DAB1: variants seen among roughly 807,000 people sequenced by gnomAD.
DAB1 encodes disabled homolog 1.
In DAB1, 15 loss-of-function variants were observed where a neutral mutation model predicts 64.6. The ratio of observed to expected loss-of-function variants is 0.23; its 90% CI spans 0.16 to 0.36. The LOEUF is 0.36. Ranked by LOEUF, DAB1 falls within the 10% of genes least tolerant of loss-of-function variation. DAB1 has a pLI of 1.00. For missense variants in DAB1, 596 were observed against 706.7 expected (o/e 0.84, Z 1.78); for synonymous variants, 235 against 251.9 (o/e 0.93, Z 0.64).
At chr1:57,273,553 G>GCCTGCCTTCCTT (rs1558066796) in intron 2 of DAB1, among the ~76,000 whole-genome samples, 3 of 62,086 alleles carry the variant, frequency 4.8e-5, no homozygotes, top group East Asian at 7.8e-4. Flanking sequence ...CTGCCTGCCT[G>GCCTGCCTTCCTT]CCTTCCTTCC....
At position 57,142,627 on chromosome 1, in the gene DAB1, C is replaced by T. The variant is rs571234998; in HGVS notation, c.207+2663G>A. Among the ~76,000 whole-genome samples the T allele has an allele frequency of 9.7e-4, 140 of 144,174 alleles. 4 individuals carry two copies. The East Asian group carries it at 0.012, about 12-fold the overall frequency. The allele number at this position is 144,174 out of a possible 152,430, so 94.6% of individuals were successfully genotyped here. On this transcript the variant is annotated intron_variant, in intron 3 of 14. Transcript: ENST00000371236. ...ACACACACACACACACACACACACA[C>T]ACATACACACACACACACACACGGT... is the stretch of plus-strand genomic sequence containing the variant.
intron 5 of DAB1, among the ~76,000 whole-genome samples, chr1:57,960,471 T>C (rs1351018377): frequency 6.7e-6 from 1 of 149,448 alleles, no homozygotes; most frequent in African/African-American, 2.5e-5. Context: ...AAGAAGCTCA[T>C]TAGTCCAGTA....
At chr1:57,001,302 GTT>G (rs1448325149) in intron 14 of DAB1, among the ~76,000 whole-genome samples, 4 of 152,090 alleles carry the variant, frequency 2.6e-5, no homozygotes, top group African/African-American at 7.2e-5. Flanking sequence ...TTGTTTGTTT[GTT>G]TGTTTTCTTT....
chr1:57,357,886 T>A (rs1354767971), intron 1 of DAB1, among the ~76,000 whole-genome samples: 2 of 151,784 alleles, frequency 1.3e-5, no homozygotes, highest in South Asian at 2.1e-4. Flanking sequence ...ACCAGATCCC[T>A]CCCCGAACAC....
chr1:57,775,214 A>G (rs987697543), intron 6 of DAB1, among the ~76,000 whole-genome samples: 8 of 151,266 alleles, frequency 5.3e-5, no homozygotes, highest in African/African-American at 1.7e-4. Flanking sequence ...TCCAAGAACC[A>G]ATTTTTGGTT....
At position 57,395,460 on chromosome 1, in the gene DAB1, C is replaced by T. The variant is rs141876162; in HGVS notation, c.-137+28470G>A. 2.6e-4 allele frequency among the ~76,000 whole-genome samples: 39 copies of T among 152,212 alleles called. 1 individual carries two copies. The East Asian group carries it at 5.0e-3, about 20-fold the overall frequency. On this transcript the variant is annotated intron_variant, in intron 1 of 14. Coordinates refer to ENST00000371236, the MANE Select transcript of DAB1 (RefSeq NM_001365792.1). ...ATTGGATGTCACATATCACGGGAAA[C>T]GTAAAGAAGGAATGAACACCCCTTG...
chr1:57,214,425 G>T (rs1666253883), intron 2 of DAB1, among the ~76,000 whole-genome samples: 1 of 152,164 alleles, frequency 6.6e-6, no homozygotes, highest in Non-Finnish European at 1.5e-5. Flanking sequence ...ATTAATAGAA[G>T]AGAGATTCTT....
At chr1:57,901,657 A>C (rs960844005) in intron 5 of DAB1, among the ~76,000 whole-genome samples, 6 of 152,036 alleles carry the variant, frequency 3.9e-5, no homozygotes, top group African/African-American at 1.4e-4. Context: ...TAAGTCTGAT[A>C]TTGTGTTTTA....
At chr1:57,556,907 A>C (rs977599926) in intron 7 of DAB1, among the ~76,000 whole-genome samples, 5 of 152,188 alleles carry the variant, frequency 3.3e-5, no homozygotes, top group African/African-American at 1.2e-4. Flanking sequence ...TTATGGTCTC[A>C]GGTCTTAGAT....
chr1:57,701,725 CA>C (rs202179895), intron 6 of DAB1, among the ~76,000 whole-genome samples: 13 of 150,184 alleles, frequency 8.7e-5, no homozygotes, highest in South Asian at 2.1e-4. Flanking sequence ...GAAAAAATAA[CA>C]AAAAAAAATA....
At chr1:57,479,443 A>AAT (rs1491199140) in intron 7 of DAB1, among the ~76,000 whole-genome samples, 1 of 148,752 alleles carries the variant, frequency 6.7e-6, no homozygotes, top group Non-Finnish European at 1.5e-5. Context: ...TAACATATAT[A>AAT]ATATATATAT....
In DAB1 at chr1:58,031,205, T is replaced by C. The variant is rs553539884; in HGVS notation, n.387+119306A>G. Among the ~76,000 whole-genome samples the C allele has an allele frequency of 5.3e-5, 8 of 152,212 alleles. No individual in the cohort carries two copies. The South Asian group carries it at 1.2e-3, about 24-fold the overall frequency. ...CTTACAGAACAAAAAAATGCTTCAA[T>C]TTGGCCAGAGCACGGAGACAGAAGG... is the stretch of plus-strand genomic sequence containing the variant. On this transcript the variant is annotated intron_variant and non_coding_transcript_variant, in intron 5 of 20. Coordinates refer to the DAB1 transcript ENST00000485760.
intron 3 of DAB1, among the ~76,000 whole-genome samples, chr1:58,377,876 C>T (rs185103947): frequency 0.032 from 4,532 of 141,414 alleles, 733 homozygotes; most frequent in Middle Eastern, 0.066. Context: ...GCTTTGCTCA[C>T]TTCTTCTTAT....
intron 7 of DAB1, among the ~76,000 whole-genome samples, chr1:57,644,279 G>A (rs557606205): frequency 6.6e-6 from 1 of 152,296 alleles, no homozygotes; most frequent in African/African-American, 2.4e-5. Context: ...GGTGGTGAGA[G>A]GCTTTAGGGC....
chr1:57,689,427 G>A (rs539340486), intron 6 of DAB1, among the ~76,000 whole-genome samples: 2 of 152,288 alleles, frequency 1.3e-5, no homozygotes, highest in East Asian at 1.9e-4. Flanking sequence ...TGCTGATGCT[G>A]TAGAAAAGGC....
At chr1:58,300,762 G>A (rs1323090012) in intron 4 of DAB1, among the ~76,000 whole-genome samples, 1 of 151,664 alleles carries the variant, frequency 6.6e-6, no homozygotes, top group African/African-American at 2.4e-5. Context: ...GCTTCCTTGG[G>A]GTCACTGAGA....
At chr1:58,109,579 A>G (rs1025470759) in intron 5 of DAB1, among the ~76,000 whole-genome samples, 2 of 150,944 alleles carry the variant, frequency 1.3e-5, no homozygotes, top group Admixed American at 6.6e-5. Flanking sequence ...AAAACCAAAC[A>G]CTCTTTGTAT....
chr1:57,556,369 G>T (rs984635715), intron 7 of DAB1, among the ~76,000 whole-genome samples: 2 of 152,076 alleles, frequency 1.3e-5, no homozygotes, highest in African/African-American at 4.8e-5. Context: ...TTTCCATAGT[G>T]GTTGTACTAG....
intron 9 of DAB1, among the ~76,000 whole-genome samples, chr1:57,049,919 G>GGCAGCCTCC (rs1477783082): frequency 6.6e-6 from 1 of 152,160 alleles, no homozygotes; most frequent in Non-Finnish European, 1.5e-5. Context: ...GGCAGTATTT[G>GGCAGCCTCC]TGGCAGTGGC....
Sources: gnomAD v4.1 joint callset for allele counts (sites outside exome capture counted in the v4.1 genomes callset) on GRCh38, gnomAD v4.1.1 for gene constraint, MANE v1.5 for transcripts, NCBI Gene and HGNC (gene_info 2026-07-23, HGNC 2026-07-21) for gene names.